ZFHX3: variants seen among roughly 807,000 people sequenced by gnomAD.
The protein encoded by ZFHX3 is zinc finger homeobox 3, also known as zinc finger homeobox protein 3.
ZFHX3 carries 42 observed loss-of-function variants against 279.1 expected under a neutral mutation model. That is an observed-to-expected ratio of 0.15 (90% CI 0.12 to 0.19). The LOEUF is 0.19. ZFHX3 is among the 10% of genes least tolerant of loss of function. The pLI, the probability that ZFHX3 is intolerant of heterozygous loss-of-function variation, is 1.00. For synonymous variants in ZFHX3, 2,293 were observed against 1,957.8 expected (o/e 1.17, Z -4.52); for missense variants, 4,981 against 4,754.0 (o/e 1.05, Z -1.40).
At chr16:73,600,204 A>G (rs2052097125) in intron 2 of ZFHX3, among the ~76,000 whole-genome samples, 1 of 152,200 alleles carries the variant, frequency 6.6e-6, no homozygotes. Context: ...AAGGCCAGAG[A>G]GAAGGATCCA....
intron 4 of ZFHX3, among the ~76,000 whole-genome samples, chr16:72,839,195 TC>T (rs367871394): frequency 7.0e-4 from 103 of 146,768 alleles, no homozygotes; most frequent in Middle Eastern, 7.0e-3. Flanking sequence ...ATCTCTCCCT[TC>T]CCCCCCCCAT....
chr16:73,348,717 C>T (rs1429528221), intron 3 of ZFHX3, among the ~76,000 whole-genome samples: 1 of 152,212 alleles, frequency 6.6e-6, no homozygotes, highest in East Asian at 1.9e-4. Flanking sequence ...CCTTGGTGCT[C>T]ATTTGGGAGG....
At chr16:73,775,374 T>G (rs1438434606) in intron 1 of ZFHX3, among the ~76,000 whole-genome samples, 2 of 152,166 alleles carry the variant, frequency 1.3e-5, no homozygotes, top group Non-Finnish European at 2.9e-5. Context: ...CTATTCACCT[T>G]CTGAATCTTT....
At chr16:73,872,272 C>T (rs1163722907) in intron 1 of ZFHX3, among the ~76,000 whole-genome samples, 1 of 151,748 alleles carries the variant, frequency 6.6e-6, no homozygotes, top group African/African-American at 2.4e-5. Context: ...GAGACAGTCT[C>T]ATTTTGTTGC....
chr16:73,332,383 C>A (rs2015821840), intron 3 of ZFHX3, among the ~76,000 whole-genome samples: 1 of 152,040 alleles, frequency 6.6e-6, no homozygotes, highest in South Asian at 2.1e-4. Context: ...CCTGAGCTGC[C>A]CTTTCCTCCT....
chr16:73,045,787 CAA>C (rs1240516127), intron 1 of ZFHX3, among the ~76,000 whole-genome samples: 2 of 42,828 alleles, frequency 4.7e-5, no homozygotes, highest in Non-Finnish European at 4.7e-5. Flanking sequence ...ACAGCCATTT[CAA>C]AAAAAAAAAA....
chr16:73,540,394 A>G (rs78494300), intron 2 of ZFHX3, among the ~76,000 whole-genome samples: 2,339 of 152,326 alleles, frequency 0.015, 71 homozygotes, highest in African/African-American at 0.053. Context: ...AGAAACTGCA[A>G]AGGAAATAAC....
Position 72,793,625 on chromosome 16 carries a change from A to G in ZFHX3, c.9057T>C (p.Tyr3019=), listed in dbSNP as rs769050242. The change falls in exon 9 of 10, where the codon TAT becomes TAC. Residue 3019 remains tyrosine (Y), a synonymous_variant. Coordinates refer to ENST00000268489, the MANE Select transcript of ZFHX3 (RefSeq NM_006885.4). The surrounding 1 kb of genome is among the most constrained non-coding windows in gnomAD (Gnocchi z 4.3). ...AKHFGINQTS[Y]EGPKTECTLC... ...AAGTGCACTCTGTTTTGGGTCCCTCATAACTCGTTTGGTTTATACCAAAAT... is the reference window on the plus strand; with the variant it reads ...AAGTGCACTCTGTTTTGGGTCCCTCGTAACTCGTTTGGTTTATACCAAAAT... The G allele has an allele frequency of 5.6e-6, 9 of 1,614,072 alleles. No individual in the cohort carries two copies. The highest frequency in any genetic ancestry group is 5.5e-5 in the South Asian group (5 of 91,088).
chr16:73,740,293 T>C (rs142517311), intron 1 of ZFHX3, among the ~76,000 whole-genome samples: 2 of 152,156 alleles, frequency 1.3e-5, no homozygotes, highest in African/African-American at 4.8e-5. Flanking sequence ...TTAACTACCA[T>C]CAAAAACATG....
intron 1 of ZFHX3, among the ~76,000 whole-genome samples, chr16:73,757,717 G>C (rs1393053416): frequency 6.6e-6 from 1 of 152,182 alleles, no homozygotes; most frequent in Non-Finnish European, 1.5e-5. Flanking sequence ...TTGGAGCACA[G>C]AGTTGGAGGG....
intron 7 of ZFHX3, among the ~76,000 whole-genome samples, chr16:73,112,080 G>A (rs1314782776): frequency 6.6e-6 from 1 of 152,114 alleles, no homozygotes; most frequent in South Asian, 2.1e-4. Flanking sequence ...TTCTAGAGGT[G>A]CTCTAGAAAA....
At chr16:73,616,916 G>C (rs1428931948) in intron 2 of ZFHX3, among the ~76,000 whole-genome samples, 4 of 152,160 alleles carry the variant, frequency 2.6e-5, no homozygotes, top group Admixed American at 2.6e-4. Context: ...TTCCACATGC[G>C]ATTCAGAGAG....
intron 1 of ZFHX3, among the ~76,000 whole-genome samples, chr16:73,869,849 A>G (rs1159263728): frequency 1.3e-5 from 2 of 152,184 alleles, no homozygotes; most frequent in Non-Finnish European, 2.9e-5. Context: ...TGCTTTAGCA[A>G]GTTTTTTACA....
In ZFHX3 at chr16:73,105,457, A is replaced by T. The variant is rs75644065; in HGVS notation, c.-896-11859T>A. 2.4e-3 allele frequency among the ~76,000 whole-genome samples: 284 copies of T among 120,456 alleles called. 5 individuals carry two copies. The highest frequency in any genetic ancestry group is 6.4e-3 in the African/African-American group (175 of 27,284). The allele number at this position is 120,456 out of a possible 152,430, so 79.0% of individuals were successfully genotyped here. A position where few individuals can be genotyped will look rare whatever the true frequency, so the allele number is the denominator to read the frequency against. On this transcript the variant is annotated intron_variant, in intron 7 of 17. Coordinates refer to the ZFHX3 transcript ENST00000641206. Reference sequence around the variant, plus strand: ...TACACACACACACATATATATATATATTTTTTCCCCCAGGCCAGGCGTGCT... The same window carrying T: ...TACACACACACACATATATATATATTTTTTTTCCCCCAGGCCAGGCGTGCT...
At chr16:73,886,309 A>T (rs1347430005) in intron 1 of ZFHX3, among the ~76,000 whole-genome samples, 1 of 152,200 alleles carries the variant, frequency 6.6e-6, no homozygotes, top group Non-Finnish European at 1.5e-5. Flanking sequence ...AGAGGGAAAA[A>T]AAAACACCAT....
At chr16:73,596,322 C>G (rs951200547) in intron 2 of ZFHX3, among the ~76,000 whole-genome samples, 28 of 152,172 alleles carry the variant, frequency 1.8e-4, no homozygotes, top group African/African-American at 6.8e-4. Flanking sequence ...CGCACCTGGC[C>G]TCGACCATTA....
chr16:73,529,235 C>T (rs141001279), intron 2 of ZFHX3, among the ~76,000 whole-genome samples: 288 of 152,228 alleles, frequency 1.9e-3, no homozygotes, highest in South Asian at 8.9e-3. Context: ...CCCAGTGGAC[C>T]GAGTGGCTGC....
At chr16:73,401,328 G>GATT (rs1435663416) in intron 3 of ZFHX3, 2 of 142,608 alleles carry the variant, frequency 1.4e-5, no homozygotes, top group Non-Finnish European at 3.0e-5. Flanking sequence ...CGATCCAGCC[G>GATT]ATAAAACCCA....
chr16:72,799,489 C>T (rs1047872242), intron 8 of ZFHX3, among the ~76,000 whole-genome samples: 13 of 152,270 alleles, frequency 8.5e-5, no homozygotes, highest in Middle Eastern at 6.8e-3. Context: ...TAGAGGTGAA[C>T]GATGTAGGAC....
Sources: allele counts gnomAD v4.1 joint callset (sites outside exome capture counted in the v4.1 genomes callset), GRCh38; gene constraint gnomAD v4.1.1; non-coding constraint Gnocchi (gnomAD v3.1); transcripts MANE v1.5; gene names NCBI Gene and HGNC (gene_info 2026-07-23, HGNC 2026-07-21).